The following TMEM181 variants were observed in gnomAD, a reference collection of about 807,000 sequenced individuals.
TMEM181 encodes G protein-coupled receptor 178.
A neutral mutation model predicts 71.9 loss-of-function variants in TMEM181; 39 were observed. The observed-to-expected ratio is 0.54, with a 90% CI of 0.42 to 0.71. TMEM181 has a LOEUF of 0.71. Among genes scored for constraint, TMEM181 ranks in the 30% least tolerant of loss-of-function variants. The pLI is 0.00. For synonymous variants in TMEM181, 245 were observed against 228.8 expected (o/e 1.07, Z -0.64); for missense variants, 595 against 583.0 (o/e 1.02, Z -0.21).
intron 10 of TMEM181, 71 bp downstream of exon 10, chr6:158,608,821 G>C (rs1335338292): frequency 1.4e-6 from 2 of 1,422,528 alleles, no homozygotes; most frequent in Admixed American, 3.8e-5. Context: ...GGCCAGGCCA[G>C]GCGTAGTGGC....
chr6:158,559,969 C>CG (rs5881278), upstream of TMEM181: 218,598 of 834,398 alleles, frequency 0.26, 30,267 homozygotes, highest in East Asian at 0.68. Flanking sequence ...CGCCCCGGCA[C>CG]GGGGCCACGA....
intron 6 of TMEM181, among the ~76,000 whole-genome samples, chr6:158,590,464 G>C (rs1008778944): frequency 4.2e-4 from 63 of 151,048 alleles, no homozygotes; most frequent in African/African-American, 1.5e-3. Context: ...GTTTTGTTTT[G>C]TTTTTGTTTT....
rs868758671 is a variant in TMEM181 at position 158,568,924 on chromosome 6, C to T, written c.9-4496C>T. On this transcript the variant is annotated intron_variant, in intron 1 of 16. Transcript: ENST00000684151. Reference sequence around the variant, plus strand: ...TTTTAGAGCTATGATTGATCTGAAACGGGGTCTTGTTTCTGAGGTTTCTGA... The same window carrying T: ...TTTTAGAGCTATGATTGATCTGAAATGGGGTCTTGTTTCTGAGGTTTCTGA... 5.3e-5 allele frequency among the ~76,000 whole-genome samples: 8 copies of T among 152,266 alleles called. No homozygotes were observed. The South Asian group carries it at 8.3e-4, about 16-fold the overall frequency.
At chr6:158,631,225 T>G in intron 15 of TMEM181, 98 bp from the exon 16 acceptor site, 5 of 1,278,466 alleles carry the variant, frequency 3.9e-6, no homozygotes, top group Non-Finnish European at 1.1e-6. Context: ...TTGAGTCCAG[T>G]TCTTTCCAAC....
chr6:158,538,120 C>T (rs1414035080), intron 1 of TMEM181, among the ~76,000 whole-genome samples: 1 of 148,884 alleles, frequency 6.7e-6, no homozygotes, highest in African/African-American at 2.5e-5. Flanking sequence ...TCTGCTAGTC[C>T]CCCGTCCCCC....
chr6:158,628,180 G>C, intron 13 of TMEM181: 2 of 679,610 alleles, frequency 2.9e-6, no homozygotes, highest in Non-Finnish European at 5.4e-6. Context: ...GCAGCCGGCC[G>C]GTGGGTCTAG....
chr6:158,593,900 A>G (rs558868058), intron 6 of TMEM181, among the ~76,000 whole-genome samples: 53 of 152,154 alleles, frequency 3.5e-4, no homozygotes, highest in African/African-American at 1.3e-3. Flanking sequence ...TAATGAACCC[A>G]CATTGACACA....
At position 158,606,988 on chromosome 6, in the gene TMEM181, C is replaced by T. The variant is rs561874155; in HGVS notation, c.574-256C>T. 2.6e-5 allele frequency among the ~76,000 whole-genome samples: 4 copies of T among 152,336 alleles called. No individual in the cohort carries two copies. The East Asian group carries it at 7.7e-4, about 29-fold the overall frequency. Reference sequence around the variant, plus strand: ...GCAGGGATTACGTTCCTTCTCCTTTCCTGCTCCTGTGAGGACAGCTCGGAA... The same window carrying T: ...GCAGGGATTACGTTCCTTCTCCTTTTCTGCTCCTGTGAGGACAGCTCGGAA... On this transcript the variant is annotated intron_variant, in intron 7 of 16. Transcript: ENST00000684151.
intron 5 of TMEM181, among the ~76,000 whole-genome samples, chr6:158,587,126 C>T (rs1191793270): frequency 1.3e-5 from 2 of 152,216 alleles, no homozygotes; most frequent in African/African-American, 4.8e-5. Flanking sequence ...GACCCATCGT[C>T]CTGGTTTGCT....
chr6:158,603,363 G>A (rs771506649), intron 6 of TMEM181, among the ~76,000 whole-genome samples: 14 of 152,042 alleles, frequency 9.2e-5, no homozygotes, highest in Admixed American at 2.0e-4. Context: ...TAGATCCCTC[G>A]CCTGCACAGT....
chr6:158,608,766 A>C lies in TMEM181; in HGVS notation c.896+16A>C, dbSNP rs754922768. Reference sequence around the variant, plus strand: ...TATGGCAAACGTGAGTAATTCTATTATGTGTGAAACTTCAGTCATGAAAAG... The same window carrying C: ...TATGGCAAACGTGAGTAATTCTATTCTGTGTGAAACTTCAGTCATGAAAAG... On this transcript the variant is annotated intron_variant, in intron 10 of 16. Coordinates refer to ENST00000684151, the MANE Select transcript of TMEM181 (RefSeq NM_001376852.1). 1.9e-6 allele frequency: 3 copies of C among 1,605,664 alleles called. No homozygotes were observed. Among genetic ancestry groups the C allele is most frequent in the Non-Finnish European group, 2.5e-6 (3 of 1,176,762 alleles).
At position 158,631,489 on chromosome 6, in the gene TMEM181, A is replaced by G. The variant is rs956251640; in HGVS notation, c.1349+100A>G. 16 of 1,322,742 alleles carry G rather than the reference A, an allele frequency of 1.2e-5. No individual in the cohort carries two copies. The South Asian group carries it at 1.8e-4, about 15-fold the overall frequency. 81.9% of individuals were successfully genotyped at this position (1,322,742 alleles called of 1,614,324 possible). On this transcript the variant is annotated intron_variant, in intron 16 of 16. Coordinates refer to ENST00000684151, the MANE Select transcript of TMEM181 (RefSeq NM_001376852.1). ...ACTCTTCTAAAATTATTTTCAAGGT[A>G]TGAAGGCATTTACCTTGGAGTGTCA...
chr6:158,608,620 G>A, intron 9 of TMEM181, 39 bp from the exon 10 acceptor site: 4 of 1,599,098 alleles, frequency 2.5e-6, no homozygotes, highest in Non-Finnish European at 3.4e-6. Context: ...TACCAATTTG[G>A]TTTTCTTTAT....
chr6:158,542,789 G>C (rs1044957364), intron 1 of TMEM181, among the ~76,000 whole-genome samples: 1 of 151,004 alleles, frequency 6.6e-6, no homozygotes, highest in Non-Finnish European at 1.5e-5. Flanking sequence ...ATTTTTAGTA[G>C]AGAAGGGGTT....
chr6:158,577,319 C>T (rs79666295), intron 2 of TMEM181, among the ~76,000 whole-genome samples: 2,570 of 152,068 alleles, frequency 0.017, 37 homozygotes, highest in Middle Eastern at 0.054. Flanking sequence ...ATGAAAAGTA[C>T]GCTAGAGTGA....
chr6:158,627,430 A>C (rs1786381499), intron 13 of TMEM181, among the ~76,000 whole-genome samples: 1 of 152,220 alleles, frequency 6.6e-6, no homozygotes, highest in African/African-American at 2.4e-5. Flanking sequence ...CAAACAACTA[A>C]ATACATTCCC....
chr6:158,629,088 C>T (rs375979952), intron 14 of TMEM181, among the ~76,000 whole-genome samples: 3 of 152,206 alleles, frequency 2.0e-5, no homozygotes, highest in Non-Finnish European at 2.9e-5. Context: ...TGTTGCCTCC[C>T]GGGAGCCCTG....
At chr6:158,611,976 A>ACCCC (rs55849301) in intron 10 of TMEM181, among the ~76,000 whole-genome samples, 3,472 of 129,914 alleles carry the variant, frequency 0.027, 148 homozygotes, top group African/African-American at 0.08. Flanking sequence ...CTGCAGGGAT[A>ACCCC]CCCCCCCCAC....
upstream of TMEM181, among the ~76,000 whole-genome samples, chr6:158,556,475 C>A (rs930210881): frequency 3.3e-5 from 5 of 152,078 alleles, no homozygotes; most frequent in African/African-American, 1.2e-4. Flanking sequence ...GAACTATGTG[C>A]CTTTTCAGGG....
Sources: allele counts gnomAD v4.1 joint callset (sites outside exome capture counted in the v4.1 genomes callset), GRCh38; gene constraint gnomAD v4.1.1; transcripts MANE v1.5; gene names NCBI Gene and HGNC (gene_info 2026-07-23, HGNC 2026-07-21).